Variants in DDHD1 observed in about 807,000 individuals in gnomAD.
DDHD1 encodes the protein phospholipase DDHD1.
In DDHD1, 49 loss-of-function variants were observed where a neutral mutation model predicts 96.4. That is an observed-to-expected ratio of 0.51 (90% confidence interval 0.40 to 0.64). The LOEUF (loss-of-function observed/expected upper bound fraction) is 0.64, where lower values mean the gene tolerates loss of function less well. Among genes scored for constraint, DDHD1 ranks in the 30% least tolerant of loss-of-function variants. The probability of loss-of-function intolerance (pLI) is 0.00; values close to 1 mark genes in which losing one functional copy is unlikely to be tolerated. For synonymous variants in DDHD1, 442 were observed against 446.5 expected (o/e 0.99, Z 0.13); for missense variants, 1,106 against 1,161.2 (o/e 0.95, Z 0.69).
At chr14:53,109,826 C>T (rs1270428675) in intron 1 of DDHD1, among the ~76,000 whole-genome samples, 1 of 152,138 alleles carries the variant, frequency 6.6e-6, no homozygotes, top group African/African-American at 2.4e-5. Flanking sequence ...ACCAAGATTC[C>T]AACCAAAGTT....
chr14:53,106,762 T>C (rs1887716462), intron 1 of DDHD1, among the ~76,000 whole-genome samples: 2 of 152,204 alleles, frequency 1.3e-5, no homozygotes, highest in African/African-American at 4.8e-5. Context: ...AATCTAATAG[T>C]TTTACTAGGC....
At chr14:53,048,285 T>C (rs1323734406) in intron 12 of DDHD1, among the ~76,000 whole-genome samples, 2 of 151,958 alleles carry the variant, frequency 1.3e-5, no homozygotes, top group African/African-American at 4.8e-5. Flanking sequence ...AATTAGGTTA[T>C]AAAATACTTG....
rs779599524 is a variant in DDHD1, at chr14:53,152,940, G to A, written c.159C>T (p.Asp53=). The A allele has an allele frequency of 2.5e-6, 4 of 1,597,284 alleles. No individual in the cohort carries two copies. The East Asian group carries it at 6.9e-5, about 28-fold the overall frequency. ...HLPGGDPDDG[D]VPLALLRGEP... ...CCCCGCGCAGCAGGGCCAGGGGCACGTCGCCGTCGTCCGGGTCCCCGCCGG... is the reference window on the plus strand; with the variant it reads ...CCCCGCGCAGCAGGGCCAGGGGCACATCGCCGTCGTCCGGGTCCCCGCCGG... The change falls in exon 1 of 13, where the codon GAC becomes GAT. Residue 53 remains aspartate (D), a synonymous_variant. Coordinates refer to ENST00000673822, the MANE Select transcript of DDHD1 (RefSeq NM_001160148.2).
At chr14:53,106,135 T>G (rs1244824580) in intron 1 of DDHD1, among the ~76,000 whole-genome samples, 1 of 152,224 alleles carries the variant, frequency 6.6e-6, no homozygotes, top group African/African-American at 2.4e-5. Flanking sequence ...CACCCACTTA[T>G]TTTTAGTTTT....
At chr14:53,105,027 T>C (rs2139729819) in intron 1 of DDHD1, among the ~76,000 whole-genome samples, 1 of 152,158 alleles carries the variant, frequency 6.6e-6, no homozygotes, top group South Asian at 2.1e-4. Flanking sequence ...TTAAGATGAA[T>C]GTATTAATTT....
chr14:53,149,061 A>G (rs1891180813), intron 1 of DDHD1, among the ~76,000 whole-genome samples: 3 of 152,226 alleles, frequency 2.0e-5, no homozygotes, highest in African/African-American at 7.2e-5. Flanking sequence ...CAATAAAACA[A>G]AAATGTTTAC....
At chr14:53,060,563 T>A (rs1018607581) in intron 8 of DDHD1, among the ~76,000 whole-genome samples, 3 of 152,234 alleles carry the variant, frequency 2.0e-5, no homozygotes, top group Non-Finnish European at 4.4e-5. Flanking sequence ...ATCCCTGGAA[T>A]CATTACTCAT....
At chr14:53,112,339 C>A (rs182582786) in intron 1 of DDHD1, among the ~76,000 whole-genome samples, 1 of 152,082 alleles carries the variant, frequency 6.6e-6, no homozygotes, top group African/African-American at 2.4e-5. Context: ...ATCGCTTGAA[C>A]CCAGAAGGCA....
intron 2 of DDHD1, chr14:53,103,062 T>C (rs1224091278): frequency 1.3e-6 from 2 of 1,565,150 alleles, no homozygotes; most frequent in East Asian, 4.7e-5. Flanking sequence ...CTGCAGTAAA[T>C]GGAACAATAG....
Sources: allele counts gnomAD v4.1 joint callset (sites outside exome capture counted in the v4.1 genomes callset), GRCh38; gene constraint gnomAD v4.1.1; transcripts MANE v1.5; gene names NCBI Gene and HGNC (gene_info 2026-07-23, HGNC 2026-07-21).